Variants in ATRX observed in about 807,000 individuals in gnomAD.
The protein encoded by ATRX is chromatin remodeler ATRX.
Under a neutral mutation model 172.6 loss-of-function variants are expected in ATRX, and 12 were observed. The ratio of observed to expected loss-of-function variants is 0.07; its 90% CI spans 0.04 to 0.11. The LOEUF is 0.11. Ranked by LOEUF, ATRX falls within the 10% of genes least tolerant of loss-of-function variation. The pLI is 1.00. For synonymous variants in ATRX, 674 were observed against 594.7 expected, an observed-to-expected ratio of 1.13 and a Z score of -1.94; for missense variants, 1,368 against 1,767.4, an observed-to-expected ratio of 0.77 and a Z score of 4.05.
intron 15 of ATRX, among the ~76,000 whole-genome samples, chrX:77,638,452 G>A (rs1056486648): frequency 8.9e-6 from 1 of 112,589 alleles, no homozygotes; most frequent in Non-Finnish European, 1.9e-5. Context: ...TAGCCTGGGC[G>A]ACAGAGTGAG....
At position 77,676,245 on chromosome X, in the gene ATRX, C is replaced by T. The variant is rs782344877; in HGVS notation, c.3790G>A (p.Asp1264Asn). The change falls in exon 10 of 35, where the codon GAC becomes AAC. Residue 1264 changes from aspartate (D) to asparagine (N), a missense_variant. By Grantham distance (23) the Asp-to-Asn change is conservative. Coordinates refer to ENST00000373344, the MANE Select transcript of ATRX (RefSeq NM_000489.6). ...TCATACCTATTCTCAGGATCATTGT[C>T]GTCATCATCATCATCCACTGTGACA... is the stretch of plus-strand genomic sequence containing the variant. ...VPVTVDDDDDDNDPENRIAKK... is the reference protein window; with the variant it reads ...VPVTVDDDDDNNDPENRIAKK... 2 of 1,204,468 alleles carry T rather than the reference C, an allele frequency of 1.7e-6. No individual in the cohort carries two copies. The highest frequency in any genetic ancestry group is 2.2e-5 in the Admixed American group (1 of 45,478).
chrX:77,721,253 T>C (rs782345700), intron 1 of ATRX, among the ~76,000 whole-genome samples: 4 of 111,838 alleles, frequency 3.6e-5, no homozygotes, highest in Admixed American at 9.6e-5. Context: ...AGCATTCCCT[T>C]TGAAACCCGG....
Position 77,523,216 on chromosome X carries a change from C to CATAACA in ATRX, c.6849+30_6849+35dup, listed in dbSNP as rs782533994. The stretch of plus-strand genomic sequence containing the variant: ...CTTCATTGCTCTTTCAAATCACTAA[C>CATAACA]ATAACAAAAACAAAAACACATTTTG... On this transcript the variant is annotated intron_variant, in intron 31 of 34. Transcript: ENST00000373344. 153 of 1,203,874 alleles carry CATAACA rather than the reference C, an allele frequency of 1.3e-4. No homozygotes were observed. In the Middle Eastern group the frequency reaches 2.3e-3, roughly 18 times the overall value.
Position 77,682,510 on chromosome X carries a change from C to A in ATRX, c.2746G>T (p.Ala916Ser), listed in dbSNP as rs2071273501. 1 of 1,211,610 alleles carries A rather than the reference C, an allele frequency of 8.3e-7. No homozygotes were observed. ...DRLPKKQQAS[A>S]STDGVDKLSG... Reference sequence around the variant, plus strand: ...AGCTTATCGACACCATCAGTGGAAGCACTTGCTTGCTGCTTCTTAGGAAGT... The same window carrying A: ...AGCTTATCGACACCATCAGTGGAAGAACTTGCTTGCTGCTTCTTAGGAAGT... The change falls in exon 9 of 35, where the codon GCT becomes TCT. Residue 916 changes from alanine to serine, a missense_variant. This residue lies in a region of ATRX where 843 missense variants were observed against 643.1 expected (regional missense o/e 1.31). Transcript: ENST00000373344.
At chrX:77,669,910 C>G (rs1467871526) in intron 10 of ATRX, among the ~76,000 whole-genome samples, 1 of 109,793 alleles carries the variant, frequency 9.1e-6, no homozygotes, top group Non-Finnish European at 1.9e-5. Context: ...GTTGCCCAGG[C>G]TGGTCTTAAA....
At chrX:77,615,872 C>T (rs2067335415) in intron 22 of ATRX, 3 of 659,075 alleles carry the variant, frequency 4.6e-6, no homozygotes, top group South Asian at 1.6e-4. Flanking sequence ...CACCCTCTAA[C>T]CTGTATCTCC....
chrX:77,778,450 C>T (rs1181015173), intron 1 of ATRX, among the ~76,000 whole-genome samples: 4 of 106,975 alleles, frequency 3.7e-5, no homozygotes, highest in African/African-American at 1.4e-4. Context: ...AGGCAGGGCG[C>T]GGTGGCTCAC....
chrX:77,600,557 G>T lies in ATRX; in HGVS notation c.5574C>A (p.Gly1858=), dbSNP rs1253799370. ...TTCCTCTTCCACCTTCACTATTATT[G>T]CCCACACCTGATCAAAAGAAATATG... ...QYYLDHLTGV[G]NNSEGGRGKA... is the part of the protein sequence containing the mutation. Residue 1858 remains glycine, a synonymous_variant, in exon 23 of 35, where the codon GGC becomes GGA. Transcript: ENST00000373344. 3 of 1,209,550 alleles carry T rather than the reference G, an allele frequency of 2.5e-6. No homozygotes were observed. Among genetic ancestry groups the T allele is most frequent in the Non-Finnish European group, 3.4e-6 (3 of 894,293 alleles).
In ATRX at chrX:77,745,306, A is replaced by G. The variant is rs191613766; in HGVS notation, c.21-28063T>C. ...GCACTCCCATGATTACTGCAGCACT[A>G]TTCACAATAACCAAGATTTGGAAGT... On this transcript the variant is annotated intron_variant, in intron 1 of 34. Coordinates refer to ENST00000373344, the MANE Select transcript of ATRX (RefSeq NM_000489.6). Among the ~76,000 whole-genome samples, 114 of 110,879 alleles carry G rather than the reference A, an allele frequency of 1.0e-3. 1 individual carries two copies. Among genetic ancestry groups the G allele is most frequent in the South Asian group, 3.1e-3 (8 of 2,610 alleles).
In ATRX at chrX:77,599,435, A is replaced by T. The variant is rs2148140823; in HGVS notation, c.5932T>A (p.Ser1978Thr). The change falls in exon 25 of 35, where the codon TCT becomes ACT. Residue 1978 changes from serine to threonine, a missense_variant. Coordinates refer to ENST00000373344, the MANE Select transcript of ATRX (RefSeq NM_000489.6). ...CTTTCTTCCAGTTTTAAAGAAACAG[A>T]AGGATTGTTTCCTGTTTCATCCACA... ...GNVDETGNNP[S>T]VSLKLEESKA... 1 of 1,210,915 alleles carries T rather than the reference A, an allele frequency of 8.3e-7. No individual in the cohort carries two copies. Among genetic ancestry groups the T allele is most frequent in the Non-Finnish European group, 1.1e-6 (1 of 895,080 alleles).
At chrX:77,696,240 G>A in intron 5 of ATRX, among the ~76,000 whole-genome samples, 1 of 111,723 alleles carries the variant, frequency 9.0e-6, no homozygotes, top group South Asian at 3.7e-4. Flanking sequence ...TATAAAGCAA[G>A]CACATTAACA....
chrX:77,655,502 G>C (rs945016979), intron 13 of ATRX, among the ~76,000 whole-genome samples: 13 of 110,775 alleles, frequency 1.2e-4, no homozygotes, highest in African/African-American at 4.3e-4. Context: ...CAAATCCATA[G>C]AGACAGAAAG....
chrX:77,522,042 C>T, intron 32 of ATRX: 1 of 395,659 alleles, frequency 2.5e-6, no homozygotes, highest in Non-Finnish European at 4.4e-6. Context: ...ATAATTCAAA[C>T]TACATTAATT....
intron 15 of ATRX, among the ~76,000 whole-genome samples, chrX:77,641,415 T>C (rs1380132049): frequency 1.8e-5 from 2 of 108,946 alleles, no homozygotes; most frequent in Non-Finnish European, 3.8e-5. Flanking sequence ...TCGTCTCTAC[T>C]AAAAATATAT....
intron 2 of ATRX, among the ~76,000 whole-genome samples, chrX:77,701,665 G>A (rs928874464): frequency 3.6e-5 from 4 of 111,483 alleles, no homozygotes; most frequent in Non-Finnish European, 7.5e-5. Context: ...AAGGAAATCT[G>A]CTCTCACCAT....
chrX:77,671,097 G>A (rs1419424977), intron 10 of ATRX, among the ~76,000 whole-genome samples: 4 of 84,674 alleles, frequency 4.7e-5, no homozygotes, highest in East Asian at 7.6e-4. Context: ...GCAGTGAGCC[G>A]AGATCATGCC....
intron 22 of ATRX, among the ~76,000 whole-genome samples, chrX:77,613,615 C>T (rs923368560): frequency 8.9e-6 from 1 of 112,129 alleles, no homozygotes; most frequent in Non-Finnish European, 1.9e-5. Context: ...GCAGGTTCTG[C>T]GGGATTTGTG....
At chrX:77,664,879 A>C (rs1468401514) in intron 10 of ATRX, 101 bp from the exon 11 acceptor site, 3 of 805,634 alleles carry the variant, frequency 3.7e-6, no homozygotes, top group Non-Finnish European at 5.2e-6. Context: ...ATAGAAATAA[A>C]TGTGCCAATA....
At position 77,682,763 on chromosome X, in the gene ATRX, A is replaced by C. The variant is rs782787301; in HGVS notation, c.2493T>G (p.Ile831Met). Residue 831 changes from isoleucine to methionine, a missense_variant, in exon 9 of 35, where the codon ATT becomes ATG. Physicochemically the swap from Ile to Met is conservative, Grantham distance 10. Around this residue, in one of 17 missense-constraint regions of ATRX, gnomAD observed 843 missense variants for 643.1 expected, o/e 1.31. Coordinates refer to ENST00000373344, the MANE Select transcript of ATRX (RefSeq NM_000489.6). ...LEKEIKSMSK[I>M]GAARTTKKRI... ...TTTTTTTGGTGGTTCTGGCAGCACC[A>C]ATTTTACTCATGCTCTTTATCTCTT... 1 of 1,210,508 alleles carries C rather than the reference A, an allele frequency of 8.3e-7. No homozygotes were observed. Among genetic ancestry groups the C allele is most frequent in the African/African-American group, 1.7e-5 (1 of 57,612 alleles).
Sources: allele counts gnomAD v4.1 joint callset (sites outside exome capture counted in the v4.1 genomes callset), GRCh38; gene constraint gnomAD v4.1.1; regional missense constraint gnomAD v4.1.1; transcripts MANE v1.5; gene names NCBI Gene and HGNC (gene_info 2026-07-23, HGNC 2026-07-21).